Variants in PREP observed in about 807,000 individuals in gnomAD.
PREP encodes prolyl endopeptidase.
Under a neutral mutation model 87.6 loss-of-function variants are expected in PREP, and 29 were observed. The ratio of observed to expected loss-of-function variants is 0.33; its 90% confidence interval spans 0.25 to 0.45. The LOEUF (loss-of-function observed/expected upper bound fraction) is 0.45. PREP is among the 20% of genes least tolerant of loss of function. The pLI, the probability that PREP is intolerant of heterozygous loss-of-function variation, is 1.00. For synonymous variants in PREP, 337 were observed against 328.6 expected, an observed-to-expected ratio of 1.03 and a Z score of -0.28; for missense variants, 695 against 886.5, an observed-to-expected ratio of 0.78 and a Z score of 2.74.
chr6:105,377,540 A>C, intron 2 of PREP, 21 bp from the exon 3 acceptor site: 1 of 1,605,450 alleles, frequency 6.2e-7, no homozygotes, highest in Non-Finnish European at 8.5e-7. Flanking sequence ...ATTAAAATGG[A>C]CAAAGCAAGT....
rs1390234685 is a variant in PREP, at chr6:105,332,099, C to T, written c.1015+1215G>A. ...TCTTGGGTCCTGTCCAACAGAACTG[C>T]CTACAGGGGTGTGGAGATCTAAGTA... On this transcript the variant is annotated intron_variant, in intron 8 of 14. Transcript: ENST00000652536. 2.6e-5 allele frequency among the ~76,000 whole-genome samples: 4 copies of T among 152,224 alleles called. No homozygotes were observed. In the East Asian group the frequency reaches 7.7e-4, roughly 29 times the overall value.
intron 4 of PREP, among the ~76,000 whole-genome samples, chr6:105,375,402 T>C (rs996370523): frequency 1.3e-5 from 2 of 152,256 alleles, no homozygotes; most frequent in Admixed American, 1.3e-4. Flanking sequence ...ATTATCATTG[T>C]AGAGTTTACA....
chr6:105,278,650 A>AAGAC lies in PREP; in HGVS notation c.1839-216_1839-213dup, dbSNP rs1277864278. Among the ~76,000 whole-genome samples, 2 of 152,196 alleles carry AAGAC rather than the reference A, an allele frequency of 1.3e-5. No individual in the cohort carries two copies. Among genetic ancestry groups the AAGAC allele is most frequent in the Non-Finnish European group, 2.9e-5 (2 of 68,032 alleles). On this transcript the variant is annotated intron_variant, in intron 14 of 14. Coordinates refer to ENST00000652536, the MANE Select transcript of PREP (RefSeq NM_002726.5). This position sits in a 1 kb window ranked among gnomAD's most constrained non-coding sequence, Gnocchi z 4.2. ...GTCATTTATGTGGCTCCAACTTTGA[A>AAGAC]AGACTGTAGGAAGGAAGCTCACAGG... is the stretch of plus-strand genomic sequence containing the variant.
chr6:105,323,071 C>A, intron 10 of PREP: 1 of 1,304,062 alleles, frequency 7.7e-7, no homozygotes, highest in Non-Finnish European at 1.0e-6. Flanking sequence ...CATCAATCAA[C>A]CAGTGATTCA....
At chr6:105,353,824 C>G (rs1772023957) in intron 6 of PREP, among the ~76,000 whole-genome samples, 1 of 149,794 alleles carries the variant, frequency 6.7e-6, no homozygotes. Flanking sequence ...GCAAGAAATT[C>G]ACTATGGTTC....
At chr6:105,328,131 AATTG>A (rs1489330567) in intron 9 of PREP, among the ~76,000 whole-genome samples, 1 of 152,190 alleles carries the variant, frequency 6.6e-6, no homozygotes, top group Non-Finnish European at 1.5e-5. Flanking sequence ...ACAACAGCAG[AATTG>A]ATTCTCAGCT....
chr6:105,288,818 G>A lies in PREP; in HGVS notation c.1394C>T (p.Ser465Phe). 3 of 1,614,102 alleles carry A rather than the reference G, an allele frequency of 1.9e-6. No homozygotes were observed. The highest frequency in any genetic ancestry group is 8.5e-7 in the Non-Finnish European group (1 of 1,179,942). ...ATAGCCATATAAGAAAGCTGGATGA[G>A]AGCCATCCAATTTTATGCCTTTTTT... ...VHKKGIKLDG[S>F]HPAFLYGYGG... is the part of the protein sequence containing the mutation. The change falls in exon 11 of 15, where the codon TCT becomes TTT. Residue 465 changes from serine to phenylalanine, a missense_variant. This residue lies in a region of PREP where 517 missense variants were observed against 620.3 expected (regional missense o/e 0.83). Transcript: ENST00000652536.
intron 2 of PREP, among the ~76,000 whole-genome samples, chr6:105,378,980 A>G (rs180909141): frequency 7.2e-5 from 11 of 152,352 alleles, no homozygotes; most frequent in Admixed American, 5.2e-4. Context: ...TTTTGTGGTG[A>G]GACAAACTGT....
intron 2 of PREP, among the ~76,000 whole-genome samples, chr6:105,390,843 T>C (rs927412553): frequency 1.3e-5 from 2 of 152,088 alleles, no homozygotes; most frequent in African/African-American, 4.8e-5. Context: ...CCAGGAAGAA[T>C]AAATGCTAAT....
Position 105,281,794 on chromosome 6 carries a change from G to C in PREP, c.1790C>G (p.Thr597Ser), listed in dbSNP as rs969360789. 7 of 1,614,148 alleles carry C rather than the reference G, an allele frequency of 4.3e-6. No homozygotes were observed. Among genetic ancestry groups the C allele is most frequent in the Non-Finnish European group, 5.1e-6 (6 of 1,180,026 alleles). ...TTTGCTGTCCGAGCACCCATAATCA[G>C]TGGTCCAAGCATGGCCGATGGTATA... ...HKYTIGHAWT[T>S]DYGCSDSKQH... The change falls in exon 14 of 15, where the codon ACT (threonine) becomes AGT (serine). Residue 597 changes from threonine (T) to serine (S), a missense_variant. By Grantham distance (58) the Thr-to-Ser change is moderately conservative (BLOSUM62 1). Transcript: ENST00000652536.
At chr6:105,340,944 G>A (rs1193963853) in intron 7 of PREP, among the ~76,000 whole-genome samples, 2 of 152,148 alleles carry the variant, frequency 1.3e-5, no homozygotes, top group Admixed American at 1.3e-4. Flanking sequence ...AATAATGGGA[G>A]ATTTTAACAC....
At chr6:105,282,231 G>T (rs1034555410) in intron 13 of PREP, among the ~76,000 whole-genome samples, 9 of 152,208 alleles carry the variant, frequency 5.9e-5, no homozygotes, top group South Asian at 2.1e-4. Context: ...TAAGGGACTT[G>T]TTCAAGATCT....
At chr6:105,348,047 T>C (rs77765076) in intron 7 of PREP, among the ~76,000 whole-genome samples, 3,218 of 152,290 alleles carry the variant, frequency 0.021, 106 homozygotes, top group African/African-American at 0.074. Flanking sequence ...TCAAGGATCA[T>C]AGGAGTCAAG....
At chr6:105,373,293 T>G (rs1459389501) in intron 5 of PREP, 76 bp downstream of exon 5, 1 of 1,461,898 alleles carries the variant, frequency 6.8e-7, no homozygotes. Flanking sequence ...TATGTAGGGT[T>G]CAGCATCTCT....
chr6:105,308,197 AAAAAGCC>A (rs1308698785), intron 10 of PREP, among the ~76,000 whole-genome samples: 2 of 152,218 alleles, frequency 1.3e-5, no homozygotes, highest in African/African-American at 4.8e-5. Context: ...GATGATGTTA[AAAAAGCC>A]AAAAGCCACT....
intron 10 of PREP, among the ~76,000 whole-genome samples, chr6:105,307,954 G>T (rs1441719895): frequency 1.3e-5 from 2 of 152,128 alleles, no homozygotes; most frequent in Non-Finnish European, 2.9e-5. Context: ...TTTCTCACTT[G>T]AAAATTCCTT....
At chr6:105,282,675 A>C in intron 12 of PREP, 93 bp from the exon 13 acceptor site, 1 of 1,413,742 alleles carries the variant, frequency 7.1e-7, no homozygotes, top group Non-Finnish European at 9.6e-7. Context: ...ACGGTTTCAA[A>C]TACTGATTAA....
intron 6 of PREP, among the ~76,000 whole-genome samples, chr6:105,366,963 A>G (rs1026800617): frequency 1.3e-4 from 20 of 152,180 alleles, no homozygotes; most frequent in Non-Finnish European, 2.6e-4. Flanking sequence ...ATGAAGAGTT[A>G]TTGTTCACAG....
intron 10 of PREP, among the ~76,000 whole-genome samples, chr6:105,302,259 T>C (rs1021285521): frequency 2.6e-5 from 4 of 152,234 alleles, no homozygotes; most frequent in Admixed American, 6.5e-5. Flanking sequence ...GGATTTATGC[T>C]GCACATGGAA....
Sources: gnomAD v4.1 joint callset for allele counts (sites outside exome capture counted in the v4.1 genomes callset) on GRCh38, gnomAD v4.1.1 for gene constraint, gnomAD v4.1.1 regional missense constraint, Gnocchi (gnomAD v3.1) non-coding constraint, MANE v1.5 for transcripts, NCBI Gene and HGNC (gene_info 2026-07-23, HGNC 2026-07-21) for gene names.